Variants in ANKRD36 observed in about 807,000 individuals in gnomAD.
The protein encoded by ANKRD36 is ankyrin repeat domain 36.
ANKRD36 carries 179 observed loss-of-function variants against 278.1 expected under a neutral mutation model. The observed-to-expected ratio is 0.64, with a 90% CI of 0.57 to 0.73. The LOEUF is 0.73. ANKRD36 is among the 30% of genes least tolerant of loss of function. ANKRD36 has a pLI of 0.00. For synonymous variants in ANKRD36, 320 were observed against 641.1 expected (o/e 0.50, Z 7.57); for missense variants, 1,159 against 1,956.7 (o/e 0.59, Z 7.69).
intron 5 of ANKRD36, among the ~76,000 whole-genome samples, chr2:97,126,775 G>C (rs2038767404): frequency 6.6e-6 from 1 of 151,444 alleles, no homozygotes; most frequent in Admixed American, 6.6e-5. Context: ...GCAAATACCT[G>C]TTGGCTATAG....
intron 12 of ANKRD36, among the ~76,000 whole-genome samples, chr2:97,149,658 A>C (rs148436050): frequency 2.0e-5 from 3 of 150,604 alleles, no homozygotes; most frequent in East Asian, 2.0e-4. Context: ...GAGGATATAC[A>C]AATTTTGGTC....
intron 32 of ANKRD36, among the ~76,000 whole-genome samples, chr2:97,187,791 C>G (rs573194645): frequency 2.8e-4 from 42 of 151,844 alleles, no homozygotes; most frequent in African/African-American, 9.4e-4. Context: ...AGACAGAAAA[C>G]TGATAGTAAT....
At chr2:97,164,086 A>G (rs1432397229) in intron 18 of ANKRD36, 197 bp from the exon 19 acceptor site, 11 of 985,014 alleles carry the variant, frequency 1.1e-5, no homozygotes, top group African/African-American at 3.5e-5. Context: ...TATAGAATCT[A>G]TATTGTGATT....
rs553857468 is a variant in ANKRD36 at position 97,183,555 on chromosome 2, G to C, written c.1867-27G>C. ...GCCTATGAAATATGTATTATATATTGACTATTTTGTTTCTCTTTCCATTCA... is the reference window on the plus strand; with the variant it reads ...GCCTATGAAATATGTATTATATATTCACTATTTTGTTTCTCTTTCCATTCA... On this transcript the variant is annotated intron_variant, in intron 27 of 75. Coordinates refer to ENST00000420699, the MANE Select transcript of ANKRD36 (RefSeq NM_001354587.1). The C allele has an allele frequency of 1.2e-5, 19 of 1,551,364 alleles. No individual in the cohort carries two copies. The African/African-American group carries it at 2.3e-4, about 19-fold the overall frequency.
In ANKRD36 at chr2:97,250,647, A is replaced by C. The variant is rs201193474; in HGVS notation, c.*6+474A>C. 5.9e-5 allele frequency among the ~76,000 whole-genome samples: 7 copies of C among 118,364 alleles called. No homozygotes were observed. The East Asian group carries it at 2.4e-3, about 40-fold the overall frequency. 77.7% of individuals were successfully genotyped at this position (118,364 alleles called of 152,430 possible). A position where few individuals can be genotyped will look rare whatever the true frequency, so the allele number is the denominator to read the frequency against. On this transcript the variant is annotated intron_variant, in intron 75 of 75. Transcript: ENST00000420699. ...TAGTCATTGACTTTGTCATTGGTTT[A>C]CTTTTGCCCCTGGGAAAAGTTGAAA...
At chr2:97,179,110 C>G (rs1397997808) in intron 22 of ANKRD36, among the ~76,000 whole-genome samples, 3 of 151,440 alleles carry the variant, frequency 2.0e-5, no homozygotes, top group African/African-American at 2.4e-5. Context: ...TTTTAGAAGT[C>G]TAAACTAGAA....
rs181830759 is a variant in ANKRD36 at position 97,194,977 on chromosome 2, G to A, written c.2551+60G>A. ...GTCCAGACAAGAAGTTCTCTTCCCC[G>A]AATAAATCAGTGGGGGGCTGGTCAA... is the stretch of plus-strand genomic sequence containing the variant. On this transcript the variant is annotated intron_variant, in intron 40 of 75. Coordinates refer to ENST00000420699, the MANE Select transcript of ANKRD36 (RefSeq NM_001354587.1). 61 of 1,528,498 alleles carry A rather than the reference G, an allele frequency of 4.0e-5. No individual in the cohort carries two copies. In the East Asian group the frequency reaches 5.9e-4, roughly 15 times the overall value. The allele number at this position is 1,528,498 out of a possible 1,614,324, so 94.7% of individuals were successfully genotyped here.
chr2:97,234,951 G>C (rs1488401737), intron 68 of ANKRD36, among the ~76,000 whole-genome samples: 2 of 134,796 alleles, frequency 1.5e-5, no homozygotes, highest in Non-Finnish European at 3.0e-5. Flanking sequence ...GGGTATTTTT[G>C]CCAGTTTTTG....
At chr2:97,156,467 G>T in intron 15 of ANKRD36, among the ~76,000 whole-genome samples, 1 of 129,364 alleles carries the variant, frequency 7.7e-6, no homozygotes. Flanking sequence ...GAGAATATGC[G>T]GTGTTTGGTT....
At chr2:97,143,670 A>T (rs1445616508) in intron 8 of ANKRD36, among the ~76,000 whole-genome samples, 2 of 152,214 alleles carry the variant, frequency 1.3e-5, no homozygotes, top group Admixed American at 1.3e-4. Context: ...CTATTTTAGA[A>T]ACAAAAATAA....
intron 75 of ANKRD36, among the ~76,000 whole-genome samples, chr2:97,260,890 T>C (rs2076680166): frequency 8.3e-6 from 1 of 120,904 alleles, no homozygotes; most frequent in Non-Finnish European, 1.6e-5. Flanking sequence ...ATTCTTTTCT[T>C]AAACCTCATG....
intron 66 of ANKRD36, among the ~76,000 whole-genome samples, chr2:97,223,029 T>TA (rs1292679499): frequency 4.6e-5 from 7 of 151,948 alleles, no homozygotes; most frequent in African/African-American, 4.8e-5. Context: ...AAAATGTTAT[T>TA]AATAAGTCTG....
chr2:97,226,418 G>A (rs1413836364), intron 67 of ANKRD36, among the ~76,000 whole-genome samples: 2 of 150,940 alleles, frequency 1.3e-5, no homozygotes, highest in African/African-American at 2.4e-5. Context: ...CTGCATAAAT[G>A]TCTTCTTTTG....
chr2:97,204,225 T>C lies in ANKRD36; in HGVS notation c.3023T>C (p.Ile1008Thr), dbSNP rs1480754852. 2.5e-6 allele frequency: 4 copies of C among 1,583,026 alleles called. No individual in the cohort carries two copies. Among genetic ancestry groups the C allele is most frequent in the East Asian group, 4.6e-5 (2 of 43,160 alleles). The change falls in exon 50 of 76, where the codon ATA (isoleucine) becomes ACA (threonine). Residue 1008 changes from isoleucine (I) to threonine (T), a missense_variant. Physicochemically the swap from Ile to Thr is moderately conservative, Grantham distance 89. Coordinates refer to ENST00000420699, the MANE Select transcript of ANKRD36 (RefSeq NM_001354587.1). The part of the protein sequence containing the change: ...TSDEKDSVLN[I>T]ARGKKDGEKT... Reference sequence around the variant, plus strand: ...GATGAGAAAGATTCTGTTTTGAATATAGCCAGAGGAAAAAAGGATGGAGAA... The same window carrying C: ...GATGAGAAAGATTCTGTTTTGAATACAGCCAGAGGAAAAAAGGATGGAGAA...
chr2:97,231,498 G>C (rs541625299), intron 67 of ANKRD36, among the ~76,000 whole-genome samples: 1 of 152,150 alleles, frequency 6.6e-6, no homozygotes, highest in Non-Finnish European at 1.5e-5. Context: ...AAGTGCAGTA[G>C]TAGGGTGGGA....
At chr2:97,196,503 G>A in intron 40 of ANKRD36, 90 bp from the exon 41 acceptor site, 1 of 1,579,546 alleles carries the variant, frequency 6.3e-7, no homozygotes, top group Non-Finnish European at 8.6e-7. Flanking sequence ...ACAGGCAGGA[G>A]GACAGAGGTT....
At chr2:97,209,730 A>G (rs2063853993) in intron 55 of ANKRD36, 21 bp downstream of exon 55, 1 of 1,583,550 alleles carries the variant, frequency 6.3e-7, no homozygotes, top group Non-Finnish European at 8.6e-7. Flanking sequence ...TCTCATTCAT[A>G]TTGTGAGCTA....
intron 3 of ANKRD36, among the ~76,000 whole-genome samples, chr2:97,121,625 G>A (rs902428751): frequency 6.6e-6 from 1 of 152,008 alleles, no homozygotes; most frequent in Non-Finnish European, 1.5e-5. Context: ...CAGCCTGGGC[G>A]ACAGAGCGAG....
intron 6 of ANKRD36, among the ~76,000 whole-genome samples, chr2:97,132,923 A>C (rs2040542384): frequency 1.3e-5 from 2 of 152,070 alleles, no homozygotes; most frequent in African/African-American, 4.8e-5. Flanking sequence ...CACAGTATCC[A>C]AGGTTCTTAT....
Sources: gnomAD v4.1 joint callset for allele counts (sites outside exome capture counted in the v4.1 genomes callset) on GRCh38, gnomAD v4.1.1 for gene constraint, MANE v1.5 for transcripts, NCBI Gene and HGNC (gene_info 2026-07-23, HGNC 2026-07-21) for gene names.